Variants in FRMD4A observed in about 807,000 individuals in gnomAD.
FRMD4A encodes the protein FERM domain-containing protein 4A.
A neutral mutation model predicts 129.1 loss-of-function variants in FRMD4A; 29 were observed. The observed-to-expected ratio is 0.22, with a 90% CI of 0.17 to 0.31. The LOEUF is 0.31. Among genes scored for constraint, FRMD4A ranks in the 10% least tolerant of loss-of-function variants. FRMD4A has a pLI of 1.00. For synonymous variants in FRMD4A, 634 were observed against 571.6 expected (o/e 1.11, Z -1.56); for missense variants, 1,272 against 1,375.8 (o/e 0.92, Z 1.19).
intron 2 of FRMD4A, among the ~76,000 whole-genome samples, chr10:14,080,276 T>C (rs1035101577): frequency 6.6e-6 from 1 of 151,962 alleles, no homozygotes; most frequent in Non-Finnish European, 1.5e-5. Context: ...AAACAGCCCA[T>C]TCCCTGCCCC....
chr10:14,294,490 G>A (rs139838047), intron 2 of FRMD4A, among the ~76,000 whole-genome samples: 1 of 152,272 alleles, frequency 6.6e-6, no homozygotes, highest in East Asian at 1.9e-4. Context: ...ATAGTTCACT[G>A]ACCCTCACTA....
At chr10:13,990,859 T>G (rs2095600809) in intron 2 of FRMD4A, among the ~76,000 whole-genome samples, 1 of 152,150 alleles carries the variant, frequency 6.6e-6, no homozygotes, top group Non-Finnish European at 1.5e-5. Context: ...CATTTTTCTT[T>G]CCATGAACAC....
intron 2 of FRMD4A, among the ~76,000 whole-genome samples, chr10:14,097,412 A>G (rs186306010): frequency 1.0e-3 from 157 of 152,284 alleles, no homozygotes; most frequent in African/African-American, 3.5e-3. Context: ...TTTCCTGAGC[A>G]CTAACTACGT....
At chr10:14,065,521 G>A (rs1835014786) in intron 2 of FRMD4A, among the ~76,000 whole-genome samples, 1 of 152,018 alleles carries the variant, frequency 6.6e-6, no homozygotes, top group African/African-American at 2.4e-5. Flanking sequence ...CTCCTTTGAG[G>A]TAGCATCCAG....
At chr10:14,052,493 A>G (rs2131688369) in intron 2 of FRMD4A, among the ~76,000 whole-genome samples, 1 of 152,262 alleles carries the variant, frequency 6.6e-6, no homozygotes, top group African/African-American at 2.4e-5. Context: ...CATGGCAGAA[A>G]AGAAGGGGAG....
chr10:14,146,411 C>G (rs956521176), intron 2 of FRMD4A, among the ~76,000 whole-genome samples: 1 of 151,576 alleles, frequency 6.6e-6, no homozygotes, highest in East Asian at 1.9e-4. Flanking sequence ...CAATATAATT[C>G]AACACAACAC....
chr10:13,839,368 A>T (rs1436717719), intron 3 of FRMD4A, among the ~76,000 whole-genome samples: 2 of 152,176 alleles, frequency 1.3e-5, no homozygotes, highest in Non-Finnish European at 2.9e-5. Context: ...CCACCTGAAC[A>T]GGAGACTAAA....
intron 4 of FRMD4A, among the ~76,000 whole-genome samples, chr10:13,797,660 A>G (rs112597366): frequency 0.023 from 3,435 of 152,208 alleles, 59 homozygotes; most frequent in Middle Eastern, 0.041. Context: ...TGGAGAAGAC[A>G]GTCCTATAAT....
chr10:14,039,391 C>CTATCTATCT (rs1565204474), intron 2 of FRMD4A, among the ~76,000 whole-genome samples: 3 of 132,288 alleles, frequency 2.3e-5, no homozygotes, highest in South Asian at 2.3e-4. Context: ...TCCATCCATC[C>CTATCTATCT]ATCCATCCAT....
intron 3 of FRMD4A, among the ~76,000 whole-genome samples, chr10:13,812,055 G>A (rs992605322): frequency 2.6e-5 from 4 of 152,004 alleles, no homozygotes. Flanking sequence ...ACGAATTTTT[G>A]TATTTTTAGT....
At position 13,810,309 on chromosome 10, in the gene FRMD4A, C is replaced by G. The variant is rs1006970787; in HGVS notation, c.206+505G>C. ...CTTTATAGAGCCAAACTGAAAAGAC[C>G]CTTGAAAGCAAATATTCTTCTCATC... is the stretch of plus-strand genomic sequence containing the variant. On this transcript the variant is annotated intron_variant, in intron 4 of 24. Transcript: ENST00000357447. Among the ~76,000 whole-genome samples the G allele has an allele frequency of 3.3e-5, 5 of 152,126 alleles. No individual in the cohort carries two copies. The South Asian group carries it at 1.0e-3, about 32-fold the overall frequency.
rs1564673541 is a variant in FRMD4A at position 13,714,051 on chromosome 10, T to TATATATATATAC, written c.760-6939_760-6938insGTATATATATAT. On this transcript the variant is annotated intron_variant, in intron 12 of 24. Coordinates refer to ENST00000357447, the MANE Select transcript of FRMD4A (RefSeq NM_018027.5). ...ACATATATATATATATATATATATA[T>TATATATATATAC]ATATATATAAAATATACTTTTTTTT... Among the ~76,000 whole-genome samples the TATATATATATAC allele has an allele frequency of 1.3e-3, 19 of 15,048 alleles. 3 individuals are homozygous for TATATATATATAC. Among genetic ancestry groups the TATATATATATAC allele is most frequent in the African/African-American group, 4.5e-3 (19 of 4,226 alleles). 9.9% of individuals were successfully genotyped at this position (15,048 alleles called of 152,430 possible).
At chr10:13,869,453 G>T (rs1392281910) in intron 2 of FRMD4A, among the ~76,000 whole-genome samples, 1 of 152,250 alleles carries the variant, frequency 6.6e-6, no homozygotes, top group Non-Finnish European at 1.5e-5. Context: ...GATGTGGAAG[G>T]CCAAGATTCC....
intron 2 of FRMD4A, among the ~76,000 whole-genome samples, chr10:14,263,971 T>G (rs1046805204): frequency 2.0e-5 from 3 of 152,188 alleles, no homozygotes; most frequent in Non-Finnish European, 4.4e-5. Flanking sequence ...TCTTCTCCAG[T>G]GAGCGAGCAT....
intron 2 of FRMD4A, among the ~76,000 whole-genome samples, chr10:14,128,859 C>T (rs1362859677): frequency 6.6e-6 from 1 of 152,144 alleles, no homozygotes; most frequent in East Asian, 1.9e-4. Flanking sequence ...CCTACACTCT[C>T]ACCCCTGAGT....
In FRMD4A at chr10:13,694,108, C is replaced by G. The variant is rs1299810434; in HGVS notation, c.976-69G>C. ...TGCGGAAAGGACAGTCATCCCTCGC[C>G]CGCGCCTGCTCACCGTCTTGACATT... On this transcript the variant is annotated intron_variant, in intron 14 of 24. Transcript: ENST00000357447. The G allele has an allele frequency of 7.6e-6, 10 of 1,319,094 alleles. No individual in the cohort carries two copies. In the African/African-American group the frequency reaches 1.2e-4, roughly 16 times the overall value. 81.7% of individuals were successfully genotyped at this position (1,319,094 alleles called of 1,614,324 possible). A position where few individuals can be genotyped will look rare whatever the true frequency, so the allele number is the denominator to read the frequency against.
chr10:13,986,697 A>T (rs2095582808), intron 2 of FRMD4A, among the ~76,000 whole-genome samples: 3 of 150,260 alleles, frequency 2.0e-5, no homozygotes, highest in African/African-American at 7.3e-5. Flanking sequence ...AGGAAAAAAA[A>T]AAAAGAAAAG....
At chr10:13,679,613 TC>T (rs1037799736) in intron 15 of FRMD4A, among the ~76,000 whole-genome samples, 1 of 150,806 alleles carries the variant, frequency 6.6e-6, no homozygotes, top group African/African-American at 2.4e-5. Flanking sequence ...GCTATTCTTA[TC>T]CTATTCCACT....
chr10:13,931,136 G>A (rs1417195748), intron 2 of FRMD4A, among the ~76,000 whole-genome samples: 1 of 152,162 alleles, frequency 6.6e-6, no homozygotes, highest in Non-Finnish European at 1.5e-5. Context: ...GATGTAAGGT[G>A]TTGAGCCATA....
Sources: gnomAD v4.1 joint callset for allele counts (sites outside exome capture counted in the v4.1 genomes callset) on GRCh38, gnomAD v4.1.1 for gene constraint, MANE v1.5 for transcripts, NCBI Gene and HGNC (gene_info 2026-07-23, HGNC 2026-07-21) for gene names.